ARHGEF26: variants seen among roughly 807,000 people sequenced by gnomAD.
The protein encoded by ARHGEF26 is Rho guanine nucleotide exchange factor 26.
A neutral mutation model predicts 89.4 loss-of-function variants in ARHGEF26; 59 were observed. The observed-to-expected ratio is 0.66, with a 90% CI of 0.54 to 0.82. The LOEUF (loss-of-function observed/expected upper bound fraction) is 0.82. ARHGEF26 is among the 40% of genes least tolerant of loss of function. The probability of loss-of-function intolerance (pLI) is 0.00; values close to 1 mark genes in which losing one functional copy is unlikely to be tolerated. For synonymous variants in ARHGEF26, 500 were observed against 428.4 expected (o/e 1.17, Z -2.06); for missense variants, 1,234 against 1,085.6 (o/e 1.14, Z -1.92).
chr3:154,184,255 A>C (rs948669886), intron 6 of ARHGEF26, among the ~76,000 whole-genome samples: 1 of 152,198 alleles, frequency 6.6e-6, no homozygotes, highest in African/African-American at 2.4e-5. Flanking sequence ...TACAGGCGTG[A>C]GCCACCGTGC....
chr3:154,247,606 T>A (rs1717880782), intron 12 of ARHGEF26, among the ~76,000 whole-genome samples: 1 of 149,668 alleles, frequency 6.7e-6, no homozygotes, highest in Non-Finnish European at 1.5e-5. Context: ...GACCCATAAT[T>A]ATTATAACTA....
chr3:154,215,170 A>G (rs1715641595), intron 9 of ARHGEF26, among the ~76,000 whole-genome samples: 1 of 152,142 alleles, frequency 6.6e-6, no homozygotes, highest in African/African-American at 2.4e-5. Flanking sequence ...ATCCCATGCC[A>G]CCTTCCTTCA....
At chr3:154,249,995 T>C (rs1360715731) in intron 12 of ARHGEF26, among the ~76,000 whole-genome samples, 3 of 152,164 alleles carry the variant, frequency 2.0e-5, no homozygotes, top group African/African-American at 4.8e-5. Flanking sequence ...TTTAGAGATG[T>C]AGTACTTTCT....
intron 3 of ARHGEF26, among the ~76,000 whole-genome samples, chr3:154,129,135 A>G (rs573314286): frequency 7.2e-5 from 11 of 152,310 alleles, no homozygotes; most frequent in African/African-American, 1.9e-4. Flanking sequence ...ATGAGAGCTC[A>G]TGAGGCATCA....
chr3:154,189,988 G>A (rs1345514381), intron 7 of ARHGEF26, among the ~76,000 whole-genome samples: 2 of 152,000 alleles, frequency 1.3e-5, no homozygotes, highest in Non-Finnish European at 2.9e-5. Context: ...TTTAGTAGCA[G>A]CCTTGAACAA....
intron 4 of ARHGEF26, among the ~76,000 whole-genome samples, chr3:154,130,835 G>A (rs1163475408): frequency 1.3e-5 from 2 of 152,156 alleles, no homozygotes; most frequent in Non-Finnish European, 2.9e-5. Flanking sequence ...TTTAGAATCA[G>A]GAATCTTGTG....
intron 7 of ARHGEF26, among the ~76,000 whole-genome samples, chr3:154,190,987 G>A (rs1037357737): frequency 3.3e-5 from 5 of 152,086 alleles, no homozygotes; most frequent in Admixed American, 2.6e-4. Context: ...TCACCATTAT[G>A]ATACCACAGC....
chr3:154,130,341 G>A (rs1718611424), intron 4 of ARHGEF26, among the ~76,000 whole-genome samples: 1 of 151,662 alleles, frequency 6.6e-6, no homozygotes, highest in Non-Finnish European at 1.5e-5. Flanking sequence ...AGATTTCACC[G>A]TATTGGCCAG....
intron 5 of ARHGEF26, 80 bp downstream of exon 5, chr3:154,149,525 T>A: frequency 8.2e-7 from 1 of 1,222,610 alleles, no homozygotes. Context: ...TCACTTACTG[T>A]GTGCACTTGT....
chr3:154,196,749 A>G (rs547692587), intron 9 of ARHGEF26, among the ~76,000 whole-genome samples: 2 of 152,242 alleles, frequency 1.3e-5, no homozygotes, highest in South Asian at 4.1e-4. Context: ...CAAGACCTCA[A>G]GTCCTGTGCT....
chr3:154,161,066 C>T (rs112139895), intron 6 of ARHGEF26, among the ~76,000 whole-genome samples: 5 of 125,272 alleles, frequency 4.0e-5, no homozygotes, highest in Admixed American at 8.9e-5. Context: ...CAGCCTTCTG[C>T]GCTACTCTCC....
chr3:154,234,660 G>A (rs376247442), intron 11 of ARHGEF26, among the ~76,000 whole-genome samples: 1 of 152,088 alleles, frequency 6.6e-6, no homozygotes. Context: ...GTGTCAACTC[G>A]CAAACCCACT....
At position 154,254,708 on chromosome 3, in the gene ARHGEF26, T is replaced by C; in HGVS notation, c.2369-12T>C. The stretch of plus-strand genomic sequence containing the variant: ...GCTACTGGAAACTTAGTATGTCCTC[T>C]TTTGGCCTCAGCACTGACCCAGGTG... On this transcript the variant is annotated splice_polypyrimidine_tract_variant and intron_variant, in intron 13 of 14. Transcript: ENST00000465093. The C allele has an allele frequency of 6.2e-7, 1 of 1,611,698 alleles. No individual in the cohort carries two copies.
At chr3:154,214,395 T>C (rs1715591204) in intron 9 of ARHGEF26, among the ~76,000 whole-genome samples, 1 of 151,776 alleles carries the variant, frequency 6.6e-6, no homozygotes, top group South Asian at 2.1e-4. Context: ...CCAGGGCAGG[T>C]AGAGAGAAGT....
intron 12 of ARHGEF26, among the ~76,000 whole-genome samples, chr3:154,246,063 G>C (rs1234260827): frequency 6.6e-6 from 1 of 152,152 alleles, no homozygotes; most frequent in Non-Finnish European, 1.5e-5. Flanking sequence ...TCAGGTAGTG[G>C]TAAGTGCAGT....
chr3:154,249,899 C>T (rs1293025105), intron 12 of ARHGEF26, among the ~76,000 whole-genome samples: 1 of 152,190 alleles, frequency 6.6e-6, no homozygotes, highest in Non-Finnish European at 1.5e-5. Flanking sequence ...GAGCCCTAGA[C>T]TTCATGTCTA....
intron 6 of ARHGEF26, among the ~76,000 whole-genome samples, chr3:154,167,157 G>T (rs1467926286): frequency 6.6e-6 from 1 of 152,140 alleles, no homozygotes; most frequent in African/African-American, 2.4e-5. Context: ...AATAGTCATT[G>T]CTCTGAATAT....
intron 9 of ARHGEF26, among the ~76,000 whole-genome samples, chr3:154,206,649 G>T (rs923552802): frequency 6.6e-6 from 1 of 152,188 alleles, no homozygotes; most frequent in African/African-American, 2.4e-5. Flanking sequence ...CATGCTCATG[G>T]ATGGGAAGAA....
chr3:154,253,015 T>A (rs1718253853), intron 12 of ARHGEF26, 101 bp from the exon 13 acceptor site: 14 of 1,306,258 alleles, frequency 1.1e-5, no homozygotes, highest in Non-Finnish European at 1.5e-5. Flanking sequence ...CTAGAGAATC[T>A]CTTGTTTTCT....
Sources: allele counts gnomAD v4.1 joint callset (sites outside exome capture counted in the v4.1 genomes callset), GRCh38; gene constraint gnomAD v4.1.1; transcripts MANE v1.5; gene names NCBI Gene and HGNC (gene_info 2026-07-23, HGNC 2026-07-21).